Variants in PRRX2 observed in about 807,000 individuals in gnomAD.
PRRX2 encodes the protein paired related homeobox 2.
A neutral mutation model predicts 18.0 loss-of-function variants in PRRX2; 11 were observed. The observed-to-expected ratio is 0.61, with a 90% CI of 0.39 to 1.01. The LOEUF is 1.01. Ranked by LOEUF, PRRX2 falls within the 50% of genes least tolerant of loss-of-function variation. The pLI is 0.01. For missense variants in PRRX2, 387 were observed against 351.0 expected, an observed-to-expected ratio of 1.10 and a Z score of -0.82; for synonymous variants, 177 against 154.8, an observed-to-expected ratio of 1.14 and a Z score of -1.06.
intron 1 of PRRX2, among the ~76,000 whole-genome samples, chr9:129,683,642 G>A (rs2119065294): frequency 6.6e-6 from 1 of 152,298 alleles, no homozygotes; most frequent in African/African-American, 2.4e-5. Flanking sequence ...GGCTGAGGCA[G>A]GAGAATGGCG....
chr9:129,712,194 C>T (rs924414903), intron 1 of PRRX2, among the ~76,000 whole-genome samples: 5 of 152,112 alleles, frequency 3.3e-5, no homozygotes, highest in Non-Finnish European at 7.3e-5. Context: ...GCAGAGATCA[C>T]GTTGGGGGTG....
intron 1 of PRRX2, among the ~76,000 whole-genome samples, chr9:129,692,569 C>T (rs1564149426): frequency 6.6e-6 from 1 of 152,328 alleles, no homozygotes; most frequent in Admixed American, 6.5e-5. Flanking sequence ...ATCCGTCCCT[C>T]CTGCAGCCCT....
intron 1 of PRRX2, among the ~76,000 whole-genome samples, chr9:129,683,531 C>G (rs11790248): frequency 2.0e-5 from 3 of 152,048 alleles, no homozygotes; most frequent in Non-Finnish European, 4.4e-5. Context: ...GTCAGGAGAT[C>G]GAGACCGTCC....
intron 1 of PRRX2, among the ~76,000 whole-genome samples, chr9:129,679,224 C>A (rs1196892561): frequency 5.9e-5 from 9 of 152,144 alleles, no homozygotes; most frequent in Admixed American, 5.9e-4. Context: ...AAGCTTTGTT[C>A]ACAAGATGAG....
At chr9:129,697,052 G>C (rs1832434397) in intron 1 of PRRX2, among the ~76,000 whole-genome samples, 1 of 152,260 alleles carries the variant, frequency 6.6e-6, no homozygotes, top group Non-Finnish European at 1.5e-5. Flanking sequence ...CTGCCTCATA[G>C]GGTTACCGTG....
Position 129,719,428 on chromosome 9 carries a change from C to G in PRRX2, c.447+10C>G. ...CGAGGCGCGCGTTCAGGTGAGCGCT[C>G]AGTCCCGGGCCTCCCGTGGGAGCGT... On this transcript the variant is annotated intron_variant, in intron 2 of 3. Coordinates refer to ENST00000372469, the MANE Select transcript of PRRX2 (RefSeq NM_016307.4). The G allele has an allele frequency of 6.6e-7, 1 of 1,504,456 alleles. No individual in the cohort carries two copies. The highest frequency in any genetic ancestry group is 8.9e-7 in the Non-Finnish European group (1 of 1,124,920). 93.2% of individuals were successfully genotyped at this position (1,504,456 alleles called of 1,614,324 possible).
rs544559620 is a variant in PRRX2 at position 129,675,070 on chromosome 9, T to C, written c.259+8944T>C. On this transcript the variant is annotated intron_variant, in intron 1 of 3. Coordinates refer to ENST00000372469, the MANE Select transcript of PRRX2 (RefSeq NM_016307.4). The surrounding 1 kb of genome is among the most constrained non-coding windows in gnomAD (Gnocchi z 4.4). ...CTCAGTTTACCCGAGTGGAAAGCGGTCCTCTCGAGGGGACAGAGAGGCCGG... is the reference window on the plus strand; with the variant it reads ...CTCAGTTTACCCGAGTGGAAAGCGGCCCTCTCGAGGGGACAGAGAGGCCGG... Among the ~76,000 whole-genome samples the C allele has an allele frequency of 6.6e-6, 1 of 152,214 alleles. No individual in the cohort carries two copies. Among genetic ancestry groups the C allele is most frequent in the African/African-American group, 2.4e-5 (1 of 41,532 alleles).
chr9:129,678,700 G>T (rs1490285246), intron 1 of PRRX2, among the ~76,000 whole-genome samples: 1 of 152,198 alleles, frequency 6.6e-6, no homozygotes, highest in Admixed American at 6.5e-5. Flanking sequence ...GGCAGACCTT[G>T]TTTGAGGTGT....
intron 1 of PRRX2, among the ~76,000 whole-genome samples, chr9:129,677,547 C>A (rs1445547697): frequency 6.6e-6 from 1 of 152,176 alleles, no homozygotes; most frequent in Non-Finnish European, 1.5e-5. Flanking sequence ...TGAGGAAGGC[C>A]CCCCTCCAAA....
chr9:129,683,701 C>G (rs1459622297), intron 1 of PRRX2, among the ~76,000 whole-genome samples: 3 of 151,958 alleles, frequency 2.0e-5, no homozygotes, highest in Non-Finnish European at 4.4e-5. Flanking sequence ...CGCCACTGCA[C>G]TCCAGCATGG....
At chr9:129,699,650 A>G (rs1333764385) in intron 1 of PRRX2, among the ~76,000 whole-genome samples, 2 of 152,182 alleles carry the variant, frequency 1.3e-5, no homozygotes, top group Non-Finnish European at 2.9e-5. Flanking sequence ...TTCATTCAGT[A>G]TTTATTGAGG....
chr9:129,718,467 C>G lies in PRRX2; in HGVS notation c.260-764C>G, dbSNP rs1340378462. 3.9e-5 allele frequency: 6 copies of G among 152,384 alleles called. No homozygotes were observed. The East Asian group carries it at 1.2e-3, about 29-fold the overall frequency. The allele number at this position is 152,384 out of a possible 1,614,324, so 9.4% of individuals were successfully genotyped here. A position where few individuals can be genotyped will look rare whatever the true frequency, so the allele number is the denominator to read the frequency against. On this transcript the variant is annotated intron_variant, in intron 1 of 3. Coordinates refer to ENST00000372469, the MANE Select transcript of PRRX2 (RefSeq NM_016307.4). Reference sequence around the variant, plus strand: ...CGATGGATCCCTCTGGTTGGTCTCTCCCCGGCCCCCAGTACAGCCTCTGGC... The same window carrying G: ...CGATGGATCCCTCTGGTTGGTCTCTGCCCGGCCCCCAGTACAGCCTCTGGC...
At chr9:129,711,717 G>C (rs1046380349) in intron 1 of PRRX2, among the ~76,000 whole-genome samples, 1 of 152,052 alleles carries the variant, frequency 6.6e-6, no homozygotes, top group African/African-American at 2.4e-5. Flanking sequence ...CCTCAGGTGA[G>C]ATTCTTGAGG....
At chr9:129,677,197 G>C (rs190241986) in intron 1 of PRRX2, among the ~76,000 whole-genome samples, 1 of 152,336 alleles carries the variant, frequency 6.6e-6, no homozygotes, top group East Asian at 1.9e-4. Flanking sequence ...CAGCGATCCC[G>C]TTCTTACCAT....
chr9:129,693,579 CAA>C (rs1168229954), intron 1 of PRRX2, among the ~76,000 whole-genome samples: 2 of 136,814 alleles, frequency 1.5e-5, no homozygotes, highest in African/African-American at 5.4e-5. Flanking sequence ...GCCTGGGCGA[CAA>C]GAGCGAAACT....
chr9:129,669,354 G>C (rs536793035), intron 1 of PRRX2, among the ~76,000 whole-genome samples: 9 of 152,330 alleles, frequency 5.9e-5, no homozygotes, highest in Non-Finnish European at 1.0e-4. Context: ...AGGCACGTTA[G>C]GAAAACAAAC....
intron 1 of PRRX2, among the ~76,000 whole-genome samples, chr9:129,672,018 G>C (rs924559266): frequency 3.9e-5 from 6 of 152,174 alleles, no homozygotes; most frequent in African/African-American, 1.2e-4. Flanking sequence ...CAGGAAGGAA[G>C]GTTTGCGGTG....
chr9:129,721,770 A>AGGGTTTCAACATGTTGGCCAGGC, intron 3 of PRRX2, among the ~76,000 whole-genome samples: 1 of 152,086 alleles, frequency 6.6e-6, no homozygotes, highest in Non-Finnish European at 1.5e-5. Context: ...TAGTAGAGAC[A>AGGGTTTCAACATGTTGGCCAGGC]GGGTTTCAAC....
At position 129,720,786 on chromosome 9, in the gene PRRX2, A is replaced by G. The variant is rs751698651; in HGVS notation, c.626+12A>G. ...TCGTCCCCCTACAGGTGAGAGCGGG[A>G]ACACCTTTGGGCCAGGAAGGGGCAG... On this transcript the variant is annotated intron_variant, in intron 3 of 3. Transcript: ENST00000372469. The G allele has an allele frequency of 3.2e-5, 50 of 1,552,112 alleles. No individual in the cohort carries two copies. The African/African-American group carries it at 3.7e-4, about 11-fold the overall frequency.
Sources: allele counts gnomAD v4.1 joint callset (sites outside exome capture counted in the v4.1 genomes callset), GRCh38; gene constraint gnomAD v4.1.1; non-coding constraint Gnocchi (gnomAD v3.1); transcripts MANE v1.5; gene names NCBI Gene and HGNC (gene_info 2026-07-23, HGNC 2026-07-21).